The following ZDHHC3 variants were observed in gnomAD, a reference collection of about 807,000 sequenced individuals.
ZDHHC3 encodes zDHHC palmitoyltransferase 3.
In ZDHHC3, 9 loss-of-function variants were observed where a neutral mutation model predicts 30.6. The ratio of observed to expected loss-of-function variants is 0.29; its 90% CI spans 0.18 to 0.51. The LOEUF (loss-of-function observed/expected upper bound fraction) is 0.51, where lower values mean the gene tolerates loss of function less well. Among genes scored for constraint, ZDHHC3 ranks in the 20% least tolerant of loss-of-function variants. The pLI, the probability that ZDHHC3 is intolerant of heterozygous loss-of-function variation, is 0.97. For synonymous variants in ZDHHC3, 136 were observed against 140.2 expected (o/e 0.97, Z 0.21); for missense variants, 246 against 384.2 (o/e 0.64, Z 3.01).
At chr3:44,928,127 G>C (rs939385052) in intron 6 of ZDHHC3, among the ~76,000 whole-genome samples, 1 of 152,212 alleles carries the variant, frequency 6.6e-6, no homozygotes, top group African/African-American at 2.4e-5. Flanking sequence ...ACGTAGAGAA[G>C]TTGGTCACGG....
chr3:44,935,961 A>G (rs1211378856), intron 3 of ZDHHC3, among the ~76,000 whole-genome samples: 1 of 152,238 alleles, frequency 6.6e-6, no homozygotes, highest in Non-Finnish European at 1.5e-5. Flanking sequence ...CAAAGATTTC[A>G]TGACAAAGAT....
At chr3:44,928,266 C>T (rs778748874) in intron 6 of ZDHHC3, among the ~76,000 whole-genome samples, 29 of 152,154 alleles carry the variant, frequency 1.9e-4, no homozygotes, top group Non-Finnish European at 2.8e-4. Context: ...TAAAAGTTGC[C>T]GGAAGACCCG....
intron 4 of ZDHHC3, 183 bp from the exon 5 acceptor site, chr3:44,933,382 T>C: frequency 1.6e-6 from 1 of 620,732 alleles, no homozygotes; most frequent in East Asian, 2.7e-5. Flanking sequence ...CAGCCCTGGG[T>C]CAAGTGAGCA....
intron 3 of ZDHHC3, among the ~76,000 whole-genome samples, chr3:44,940,787 T>C (rs116091796): frequency 0.011 from 1,687 of 152,294 alleles, 16 homozygotes; most frequent in Non-Finnish European, 0.018. Flanking sequence ...CTGGGGCTTA[T>C]GTGTTTCCTC....
intron 2 of ZDHHC3, among the ~76,000 whole-genome samples, chr3:44,946,462 T>C (rs888990411): frequency 1.3e-5 from 2 of 152,158 alleles, no homozygotes; most frequent in South Asian, 2.1e-4. Flanking sequence ...TGCTCACTGC[T>C]ATGGACTCAG....
At chr3:44,967,473 C>T (rs1575951562) in intron 1 of ZDHHC3, among the ~76,000 whole-genome samples, 1 of 152,124 alleles carries the variant, frequency 6.6e-6, no homozygotes, top group Admixed American at 6.5e-5. Flanking sequence ...CACTGGAGCC[C>T]AGGAGTTAGA....
chr3:44,935,715 G>C (rs904182026), intron 3 of ZDHHC3, among the ~76,000 whole-genome samples: 2 of 152,148 alleles, frequency 1.3e-5, no homozygotes, highest in African/African-American at 4.8e-5. Flanking sequence ...AAACAGCTTT[G>C]TATCAGCCCG....
At chr3:44,956,543 C>A (rs941632020) in intron 2 of ZDHHC3, among the ~76,000 whole-genome samples, 1 of 152,158 alleles carries the variant, frequency 6.6e-6, no homozygotes, top group Admixed American at 6.5e-5. Context: ...CTAAAGCATT[C>A]GAATACCCAG....
intron 5 of ZDHHC3, among the ~76,000 whole-genome samples, chr3:44,931,065 C>G (rs1701444702): frequency 6.6e-6 from 1 of 152,220 alleles, no homozygotes; most frequent in African/African-American, 2.4e-5. Context: ...CACTACACTT[C>G]AAACTCCAGG....
chr3:44,960,851 C>T (rs1401928), intron 1 of ZDHHC3, among the ~76,000 whole-genome samples: 83,682 of 152,078 alleles, frequency 0.55, 23,703 homozygotes, highest in East Asian at 0.89. Flanking sequence ...ACAGTAAGGA[C>T]ATGTCCAAAA....
In ZDHHC3 at chr3:44,924,869, C is replaced by T. The variant is rs1308698211; in HGVS notation, c.*1820G>A. 2.5e-5 allele frequency: 25 copies of T among 985,404 alleles called. No individual in the cohort carries two copies. Among genetic ancestry groups the T allele is most frequent in the Non-Finnish European group, 2.8e-5 (23 of 829,946 alleles). 61.0% of individuals were successfully genotyped at this position (985,404 alleles called of 1,614,324 possible). A position where few individuals can be genotyped will look rare whatever the true frequency, so the allele number is the denominator to read the frequency against. ...TTAATCTTAGCATCTCAGCCTCGCC[C>T]GTATCGCATGAATAGCACCGTAGAC... On this transcript the variant is annotated 3_prime_UTR_variant, in exon 7 of 7. Coordinates refer to ENST00000424952, the MANE Select transcript of ZDHHC3 (RefSeq NM_001135179.2).
Position 44,920,022 on chromosome 3 carries a change from C to T in ZDHHC3, c.*6667G>A. ...AATATGGTTTTACATGACATTAGAA[C>T]ATTTGTCTGAGTGGTTACTTTTGGG... On this transcript the variant is annotated 3_prime_UTR_variant, in exon 7 of 7. Transcript: ENST00000424952. 1 of 1,174,220 alleles carries T rather than the reference C, an allele frequency of 8.5e-7. No homozygotes were observed. Among genetic ancestry groups the T allele is most frequent in the Non-Finnish European group, 1.1e-6 (1 of 932,228 alleles). The allele number at this position is 1,174,220 out of a possible 1,614,324, so 72.7% of individuals were successfully genotyped here.
chr3:44,933,972 C>T lies in ZDHHC3; in HGVS notation c.444G>A (p.Arg148=). 3 of 1,614,176 alleles carry T rather than the reference C, an allele frequency of 1.9e-6. No homozygotes were observed. The highest frequency in any genetic ancestry group is 2.5e-6 in the Non-Finnish European group (3 of 1,180,026). ...DRAHHCSVCK[R]CIRKMDHHCP... Reference sequence around the variant, plus strand: ...AGTGGTGGTCCATCTTCCGAATGCACCGCTTACAAACACTGAAACAGCCCA... The same window carrying T: ...AGTGGTGGTCCATCTTCCGAATGCATCGCTTACAAACACTGAAACAGCCCA... The change falls in exon 4 of 7, where the codon CGG becomes CGA. Residue 148 remains arginine (R), a synonymous_variant. Transcript: ENST00000424952.
At position 44,917,875 on chromosome 3, in the gene ZDHHC3, TTC is replaced by T. The variant is rs1206092600; in HGVS notation, c.*8812_*8813del. On this transcript the variant is annotated 3_prime_UTR_variant, in exon 7 of 7. Coordinates refer to ENST00000424952, the MANE Select transcript of ZDHHC3 (RefSeq NM_001135179.2). ...GTTGACAGCACTTTTTAGTGTTTGCTTCTCTCCCCACAGCAGCATCTATTCAT... is the reference window on the plus strand; with the variant it reads ...GTTGACAGCACTTTTTAGTGTTTGCTTCTCCCCACAGCAGCATCTATTCAT... 2.3e-6 allele frequency: 3 copies of T among 1,296,578 alleles called. No homozygotes were observed. The South Asian group carries it at 3.7e-5, about 16-fold the overall frequency. 80.3% of individuals were successfully genotyped at this position (1,296,578 alleles called of 1,614,324 possible). A position where few individuals can be genotyped will look rare whatever the true frequency, so the allele number is the denominator to read the frequency against.
At chr3:44,968,130 A>AT (rs1002435284) in intron 1 of ZDHHC3, among the ~76,000 whole-genome samples, 15 of 150,470 alleles carry the variant, frequency 1.0e-4, no homozygotes, top group Non-Finnish European at 1.9e-4. Flanking sequence ...CAGCACATGG[A>AT]TTTTTTTTTT....
rs1700101458 is a variant in ZDHHC3 at position 44,915,494 on chromosome 3, C to G, written c.*11195G>C. ...CTACATAACCCTGGCTGTGGCCCAG[C>G]CCAGCACCTCCCAGAACAGGGACTG... On this transcript the variant is annotated 3_prime_UTR_variant, in exon 7 of 7. Coordinates refer to ENST00000424952, the MANE Select transcript of ZDHHC3 (RefSeq NM_001135179.2). 6.6e-6 allele frequency: 1 copy of G among 152,246 alleles called. No homozygotes were observed. Among genetic ancestry groups the G allele is most frequent in the Non-Finnish European group, 1.5e-5 (1 of 68,206 alleles). 9.4% of individuals were successfully genotyped at this position (152,246 alleles called of 1,614,324 possible). A position where few individuals can be genotyped will look rare whatever the true frequency, so the allele number is the denominator to read the frequency against.
At position 44,923,767 on chromosome 3, in the gene ZDHHC3, C is replaced by T; in HGVS notation, c.*2922G>A. On this transcript the variant is annotated 3_prime_UTR_variant, in exon 7 of 7. Transcript: ENST00000424952. The stretch of plus-strand genomic sequence containing the variant: ...GCAGTGAGCTCTAATTGTGCCACTG[C>T]ATTCCAGCCTGGGTGACAGAGCAAG... 2.0e-6 allele frequency: 2 copies of T among 976,660 alleles called. No homozygotes were observed. Among genetic ancestry groups the T allele is most frequent in the Non-Finnish European group, 2.4e-6 (2 of 821,962 alleles). The allele number at this position is 976,660 out of a possible 1,614,324, so 60.5% of individuals were successfully genotyped here. A position where few individuals can be genotyped will look rare whatever the true frequency, so the allele number is the denominator to read the frequency against.
At chr3:44,939,363 A>G (rs1204774972) in intron 3 of ZDHHC3, among the ~76,000 whole-genome samples, 4 of 152,238 alleles carry the variant, frequency 2.6e-5, no homozygotes, top group African/African-American at 9.6e-5. Flanking sequence ...CACAATTTTA[A>G]AAGTGCAGAT....
At position 44,919,682 on chromosome 3, in the gene ZDHHC3, A is replaced by T. The variant is rs1463155520; in HGVS notation, c.*7007T>A. Among the ~76,000 whole-genome samples, 1 of 152,244 alleles carries T rather than the reference A, an allele frequency of 6.6e-6. No individual in the cohort carries two copies. Among genetic ancestry groups the T allele is most frequent in the Non-Finnish European group, 1.5e-5 (1 of 68,046 alleles). On this transcript the variant is annotated 3_prime_UTR_variant, in exon 7 of 7. Coordinates refer to ENST00000424952, the MANE Select transcript of ZDHHC3 (RefSeq NM_001135179.2). ...TGGGACAACTGGAGAAATGTGAATA[A>T]GGTACATACATTAGTTAAGGGTATG...
Sources: gnomAD v4.1 joint callset for allele counts (sites outside exome capture counted in the v4.1 genomes callset) on GRCh38, gnomAD v4.1.1 for gene constraint, MANE v1.5 for transcripts, NCBI Gene and HGNC (gene_info 2026-07-23, HGNC 2026-07-21) for gene names.